Variants in ZNF618 observed in about 807,000 individuals in gnomAD.
ZNF618 encodes neural precursor cell expressed, developmentally down-regulated 10.
Under a neutral mutation model 103.0 loss-of-function variants are expected in ZNF618, and 34 were observed. That is an observed-to-expected ratio of 0.33 (90% CI 0.25 to 0.44). ZNF618 has a LOEUF of 0.44. ZNF618 is among the 20% of genes least tolerant of loss of function. The pLI is 1.00. For missense variants in ZNF618, 1,059 were observed against 1,295.4 expected (o/e 0.82, Z 2.80); for synonymous variants, 551 against 542.2 (o/e 1.02, Z -0.23).
chr9:113,900,447 A>G (rs931449859), intron 1 of ZNF618, among the ~76,000 whole-genome samples: 1 of 152,182 alleles, frequency 6.6e-6, no homozygotes, highest in African/African-American at 2.4e-5. Flanking sequence ...TGGGCTGTAC[A>G]GGGATTCTTT....
intron 1 of ZNF618, among the ~76,000 whole-genome samples, chr9:113,908,584 G>A (rs749268404): frequency 6.6e-5 from 10 of 151,582 alleles, no homozygotes; most frequent in Non-Finnish European, 8.8e-5. Context: ...AAAGTTTCTC[G>A]GGCCCTGGGT....
intron 14 of ZNF618, 136 bp downstream of exon 14, chr9:114,048,130 A>C (rs771938882): frequency 1.3e-6 from 1 of 760,040 alleles, no homozygotes; most frequent in African/African-American, 1.8e-5. Context: ...GCACTTTTAC[A>C]CCTAAGACCT....
At chr9:114,037,993 ACAC>A (rs1844775094) in intron 13 of ZNF618, among the ~76,000 whole-genome samples, 1 of 152,020 alleles carries the variant, frequency 6.6e-6, no homozygotes, top group African/African-American at 2.4e-5. Flanking sequence ...CCCCTTCCCC[ACAC>A]CACGCTTCCC....
intron 1 of ZNF618, among the ~76,000 whole-genome samples, chr9:113,930,905 G>A (rs774095040): frequency 6.6e-6 from 1 of 152,154 alleles, no homozygotes; most frequent in Admixed American, 6.5e-5. Context: ...TTATTCGGGG[G>A]CAGCAAAGGA....
chr9:113,958,048 T>A (rs73554499), intron 1 of ZNF618, among the ~76,000 whole-genome samples: 106 of 152,090 alleles, frequency 7.0e-4, no homozygotes, highest in African/African-American at 2.4e-3. Flanking sequence ...ATTGAGAGAT[T>A]AACTGTGACT....
At chr9:113,968,063 C>T (rs746382237) in intron 1 of ZNF618, among the ~76,000 whole-genome samples, 6 of 152,256 alleles carry the variant, frequency 3.9e-5, no homozygotes, top group South Asian at 2.1e-4. Context: ...GTCCTTCATC[C>T]GCAATCCTGA....
intron 1 of ZNF618, among the ~76,000 whole-genome samples, chr9:113,949,341 A>T (rs1051009811): frequency 6.6e-6 from 1 of 152,154 alleles, no homozygotes; most frequent in African/African-American, 2.4e-5. Context: ...GGTGGCAGAG[A>T]TGGTCCTCTG....
At chr9:113,947,365 A>G (rs149529319) in intron 1 of ZNF618, among the ~76,000 whole-genome samples, 3 of 152,206 alleles carry the variant, frequency 2.0e-5, no homozygotes, top group African/African-American at 7.2e-5. Context: ...ATGAAGAGGC[A>G]TGCGTGTAGA....
chr9:113,911,609 G>A (rs573919368), intron 1 of ZNF618, among the ~76,000 whole-genome samples: 21 of 152,140 alleles, frequency 1.4e-4, no homozygotes, highest in East Asian at 3.8e-4. Flanking sequence ...GATCATAGGC[G>A]TGAGCCACCG....
chr9:114,032,252 G>T (rs1277123059), intron 11 of ZNF618, among the ~76,000 whole-genome samples: 1 of 152,204 alleles, frequency 6.6e-6, no homozygotes, highest in Non-Finnish European at 1.5e-5. Flanking sequence ...CTTCGGTGGG[G>T]CCCGTGGCAG....
intron 12 of ZNF618, among the ~76,000 whole-genome samples, chr9:114,033,390 AGAGAGAG>A (rs1241385601): frequency 5.2e-4 from 11 of 21,086 alleles, no homozygotes; most frequent in Non-Finnish European, 9.8e-4. Context: ...TGTCTCAAAA[AGAGAGAG>A]AGAGAGAGAG....
intron 12 of ZNF618, among the ~76,000 whole-genome samples, chr9:114,033,256 A>C (rs969695861): frequency 6.6e-6 from 1 of 152,130 alleles, no homozygotes; most frequent in South Asian, 2.1e-4. Context: ...CTAAAAATAC[A>C]GTAGCTGTAG....
chr9:113,970,175 CAGAGAG>C (rs140088372), intron 2 of ZNF618, among the ~76,000 whole-genome samples: 1 of 150,006 alleles, frequency 6.7e-6, no homozygotes, highest in East Asian at 1.9e-4. Flanking sequence ...AAGAGAGAGC[CAGAGAG>C]AGAGAGAGAG....
chr9:114,032,759 C>T (rs750823757), intron 12 of ZNF618, 31 bp downstream of exon 12: 13 of 1,601,692 alleles, frequency 8.1e-6, no homozygotes, highest in East Asian at 4.5e-5. Flanking sequence ...CCATCCTGTG[C>T]GGTAGCTGCC....
At chr9:113,976,868 T>C (rs1324257939) in intron 2 of ZNF618, among the ~76,000 whole-genome samples, 1 of 152,206 alleles carries the variant, frequency 6.6e-6, no homozygotes, top group Non-Finnish European at 1.5e-5. Flanking sequence ...CTATTAGATA[T>C]ATGGCACTTT....
At chr9:114,038,910 C>G (rs905707615) in intron 13 of ZNF618, among the ~76,000 whole-genome samples, 1 of 152,212 alleles carries the variant, frequency 6.6e-6, no homozygotes, top group Non-Finnish European at 1.5e-5. Context: ...TTACGTGGCG[C>G]CAGGCCTTGT....
At chr9:113,905,638 C>T (rs1307381262) in intron 1 of ZNF618, among the ~76,000 whole-genome samples, 1 of 152,150 alleles carries the variant, frequency 6.6e-6, no homozygotes, top group Admixed American at 6.5e-5. Context: ...TGTTCGTAGC[C>T]CTGGATGAGC....
At chr9:114,033,176 A>G (rs1019479720) in intron 12 of ZNF618, among the ~76,000 whole-genome samples, 1 of 152,172 alleles carries the variant, frequency 6.6e-6, no homozygotes, top group African/African-American at 2.4e-5. Flanking sequence ...TTGGGAGGCC[A>G]AGGTGGGTGG....
At chr9:113,923,084 A>G (rs1832789196) in intron 1 of ZNF618, among the ~76,000 whole-genome samples, 2 of 152,062 alleles carry the variant, frequency 1.3e-5, no homozygotes, top group South Asian at 4.1e-4. Context: ...TTGTGTTTTT[A>G]ATTTCAGATC....
Sources: gnomAD v4.1 joint callset for allele counts (sites outside exome capture counted in the v4.1 genomes callset) on GRCh38, gnomAD v4.1.1 for gene constraint, MANE v1.5 for transcripts, NCBI Gene and HGNC (gene_info 2026-07-23, HGNC 2026-07-21) for gene names.